PIK3C2G: variants seen among roughly 807,000 people sequenced by gnomAD.
PIK3C2G encodes the protein phosphatidylinositol 3-kinase C2 domain-containing subunit gamma.
Under a neutral mutation model 181.1 loss-of-function variants are expected in PIK3C2G, and 168 were observed. That is an observed-to-expected ratio of 0.93 (90% confidence interval 0.82 to 1.05). The LOEUF is 1.05. PIK3C2G is among the 50% of genes least tolerant of loss of function. The probability of loss-of-function intolerance (pLI) is 0.00; values close to 1 mark genes in which losing one functional copy is unlikely to be tolerated. For synonymous variants in PIK3C2G, 573 were observed against 592.2 expected (o/e 0.97, Z 0.47); for missense variants, 1,869 against 1,732.8 (o/e 1.08, Z -1.40).
intron 16 of PIK3C2G, among the ~76,000 whole-genome samples, chr12:18,412,149 T>C (rs1944901631): frequency 6.6e-6 from 1 of 152,108 alleles, no homozygotes; most frequent in Non-Finnish European, 1.5e-5. Context: ...TAATGACGAT[T>C]CCCAAGTCTG....
chr12:18,690,656 T>A, the PIK3C2G span, among the ~76,000 whole-genome samples: 1 of 152,156 alleles, frequency 6.6e-6, no homozygotes, highest in African/African-American at 2.4e-5. Flanking sequence ...ACAGCAAAGC[T>A]ATGAAAAGAA....
intron 29 of PIK3C2G, among the ~76,000 whole-genome samples, chr12:18,587,017 T>TA (rs1395179468): frequency 7.2e-5 from 11 of 151,984 alleles, no homozygotes; most frequent in Non-Finnish European, 1.5e-4. Context: ...TCCCTTCATT[T>TA]AAAAAAACTC....
At chr12:18,318,828 C>T (rs1208012270) in intron 6 of PIK3C2G, among the ~76,000 whole-genome samples, 4 of 149,804 alleles carry the variant, frequency 2.7e-5, no homozygotes, top group African/African-American at 4.9e-5. Context: ...GGAGCAGTGG[C>T]TTAGGCCTCT....
At chr12:18,457,039 T>C (rs576808015) in intron 18 of PIK3C2G, among the ~76,000 whole-genome samples, 2 of 152,202 alleles carry the variant, frequency 1.3e-5, no homozygotes, top group Non-Finnish European at 2.9e-5. Context: ...TTTCAAAGCA[T>C]TGTAATGTGA....
the PIK3C2G span, chr12:18,693,254 G>C: frequency 6.5e-7 from 1 of 1,542,742 alleles, no homozygotes; most frequent in African/African-American, 1.4e-5. Context: ...TGCATACCAT[G>C]ATAGGGGTGC....
At chr12:18,596,122 G>A (rs1017388967) in intron 30 of PIK3C2G, among the ~76,000 whole-genome samples, 1 of 151,958 alleles carries the variant, frequency 6.6e-6, no homozygotes, top group African/African-American at 2.4e-5. Context: ...AACTATGAAG[G>A]ACACCTTGAT....
intron 14 of PIK3C2G, among the ~76,000 whole-genome samples, chr12:18,385,030 A>T (rs1487993320): frequency 2.0e-5 from 3 of 152,154 alleles, no homozygotes; most frequent in Non-Finnish European, 4.4e-5. Flanking sequence ...TGAAATTACA[A>T]CCAAGTTCTG....
the PIK3C2G span, among the ~76,000 whole-genome samples, chr12:18,660,933 A>G: frequency 6.6e-6 from 1 of 152,144 alleles, no homozygotes; most frequent in Non-Finnish European, 1.5e-5. Flanking sequence ...CAAAGCATGA[A>G]CAAAATAAAA....
the PIK3C2G span, among the ~76,000 whole-genome samples, chr12:18,658,141 C>G: frequency 6.6e-6 from 1 of 152,006 alleles, no homozygotes; most frequent in Non-Finnish European, 1.5e-5. Context: ...TTGAGATTTC[C>G]TAATCTGAGG....
intron 31 of PIK3C2G, among the ~76,000 whole-genome samples, chr12:18,639,050 C>T (rs933337432): frequency 6.6e-6 from 1 of 151,926 alleles, no homozygotes; most frequent in Non-Finnish European, 1.5e-5. Flanking sequence ...TTTCAGTGCT[C>T]CCCCTCCTGG....
intron 11 of PIK3C2G, among the ~76,000 whole-genome samples, chr12:18,347,335 C>T (rs575392801): frequency 1.9e-3 from 285 of 152,092 alleles, no homozygotes; most frequent in African/African-American, 6.2e-3. Context: ...TAGAAATGAA[C>T]GACAATTACA....
At position 18,562,690 on chromosome 12, in the gene PIK3C2G, T is replaced by C. The variant is rs764291042; in HGVS notation, c.3591-13T>C. Reference sequence around the variant, plus strand: ...GAGTGTCACTCACTATCTTTTCTTTTACATTTCTCTAGGAAAATAAAGGAA... The same window carrying C: ...GAGTGTCACTCACTATCTTTTCTTTCACATTTCTCTAGGAAAATAAAGGAA... On this transcript the variant is annotated splice_polypyrimidine_tract_variant and intron_variant, in intron 26 of 32. Transcript: ENST00000538779. The C allele has an allele frequency of 2.7e-5, 41 of 1,506,246 alleles. No individual in the cohort carries two copies. The highest frequency in any genetic ancestry group is 1.4e-4 in the South Asian group (12 of 84,128). The allele number at this position is 1,506,246 out of a possible 1,614,324, so 93.3% of individuals were successfully genotyped here.
intron 18 of PIK3C2G, among the ~76,000 whole-genome samples, chr12:18,467,756 A>T: frequency 6.6e-6 from 1 of 151,882 alleles, no homozygotes; most frequent in East Asian, 1.9e-4. Context: ...GAACCACCCT[A>T]ACTCCACCCT....
chr12:18,642,676 A>G (rs1031680188), intron 32 of PIK3C2G, among the ~76,000 whole-genome samples: 55 of 152,090 alleles, frequency 3.6e-4, no homozygotes, highest in African/African-American at 1.3e-3. Context: ...CTAGTATATC[A>G]TAAACTTCTC....
At chr12:18,663,514 T>G in the PIK3C2G span, among the ~76,000 whole-genome samples, 1 of 152,118 alleles carries the variant, frequency 6.6e-6, no homozygotes, top group African/African-American at 2.4e-5. Flanking sequence ...AGATTTGAAC[T>G]TCTGTGGATT....
intron 8 of PIK3C2G, among the ~76,000 whole-genome samples, chr12:18,337,669 G>C (rs1938665542): frequency 6.6e-6 from 1 of 152,074 alleles, no homozygotes; most frequent in Non-Finnish European, 1.5e-5. Flanking sequence ...ACCAGATTTT[G>C]TGAGAACTCA....
At chr12:18,311,227 C>G (rs1950623292) in intron 5 of PIK3C2G, among the ~76,000 whole-genome samples, 1 of 151,782 alleles carries the variant, frequency 6.6e-6, no homozygotes, top group Non-Finnish European at 1.5e-5. Flanking sequence ...CACACGAGGA[C>G]ATACACAATG....
At chr12:18,393,653 C>T (rs529404664) in intron 15 of PIK3C2G, among the ~76,000 whole-genome samples, 1 of 152,078 alleles carries the variant, frequency 6.6e-6, no homozygotes, top group African/African-American at 2.4e-5. Flanking sequence ...ATGAAGAATA[C>T]CTAGTGCAAG....
At chr12:18,686,827 A>T in the PIK3C2G span, among the ~76,000 whole-genome samples, 1 of 152,114 alleles carries the variant, frequency 6.6e-6, no homozygotes, top group Non-Finnish European at 1.5e-5. Context: ...ACTCAGCACA[A>T]GGCTTTTAGC....
Sources: allele counts gnomAD v4.1 joint callset (sites outside exome capture counted in the v4.1 genomes callset), GRCh38; gene constraint gnomAD v4.1.1; transcripts MANE v1.5; gene names NCBI Gene and HGNC (gene_info 2026-07-23, HGNC 2026-07-21).